Variants in TMEM217B observed in about 807,000 individuals in gnomAD.
TMEM217B encodes the protein putative transmembrane protein 217B.
chr6:37,239,539 T>C, the TMEM217B span, among the ~76,000 whole-genome samples: 2 of 152,118 alleles, frequency 1.3e-5, no homozygotes, highest in African/African-American at 4.8e-5. Flanking sequence ...GAGAAAGCAT[T>C]GAAGCATAGT....
At chr6:37,220,514 C>T in the TMEM217B span, among the ~76,000 whole-genome samples, 9 of 151,862 alleles carry the variant, frequency 5.9e-5, no homozygotes, top group Non-Finnish European at 1.3e-4. Flanking sequence ...GGGGAGAAAA[C>T]TCTCCTTGAG....
chr6:37,240,311 C>CT, the TMEM217B span, among the ~76,000 whole-genome samples: 4 of 152,216 alleles, frequency 2.6e-5, no homozygotes, highest in African/African-American at 9.7e-5. Context: ...TGGGGGCCAT[C>CT]TAAAGGCTCT....
chr6:37,235,824 T>C, the TMEM217B span, among the ~76,000 whole-genome samples: 1 of 152,264 alleles, frequency 6.6e-6, no homozygotes, highest in African/African-American at 2.4e-5. Flanking sequence ...ACTAGTTCCC[T>C]CTAGTCCTTT....
the TMEM217B span, among the ~76,000 whole-genome samples, chr6:37,245,804 C>CTTT: frequency 7.7e-5 from 11 of 143,656 alleles, no homozygotes; most frequent in African/African-American, 2.7e-4. Context: ...TTCTTTCTTT[C>CTTT]TTTTTTTTTT....
chr6:37,242,060 C>T, the TMEM217B span, among the ~76,000 whole-genome samples: 1 of 148,212 alleles, frequency 6.7e-6, no homozygotes, highest in Non-Finnish European at 1.5e-5. Context: ...GATGGAGTCA[C>T]ATAGAACCCC....
chr6:37,217,721 C>G, the TMEM217B span: 1 of 985,332 alleles, frequency 1.0e-6, no homozygotes, highest in Non-Finnish European at 1.2e-6. Flanking sequence ...CACAAACCCA[C>G]CCCAGGGCCA....
At chr6:37,218,169 C>CTTT in the TMEM217B span, 563 of 1,012,042 alleles carry the variant, frequency 5.6e-4, no homozygotes, top group East Asian at 1.2e-3. Context: ...AAGCTGCTAA[C>CTTT]TTTTTTTTTT....
At chr6:37,239,655 A>G in the TMEM217B span, among the ~76,000 whole-genome samples, 1 of 152,122 alleles carries the variant, frequency 6.6e-6, no homozygotes, top group African/African-American at 2.4e-5. Flanking sequence ...TTTATTTTCA[A>G]TTGCTCTCAT....
chr6:37,214,471 C>T, the TMEM217B span, among the ~76,000 whole-genome samples: 5 of 152,314 alleles, frequency 3.3e-5, no homozygotes, highest in East Asian at 9.7e-4. Flanking sequence ...AAGTGATCTG[C>T]CCGCCTCGGC....
At chr6:37,249,759 T>C in the TMEM217B span, among the ~76,000 whole-genome samples, 9 of 152,374 alleles carry the variant, frequency 5.9e-5, no homozygotes, top group Non-Finnish European at 4.4e-5. Context: ...GGTGAAACCA[T>C]GTTATAGGAA....
At chr6:37,244,339 G>C in the TMEM217B span, among the ~76,000 whole-genome samples, 1 of 152,228 alleles carries the variant, frequency 6.6e-6, no homozygotes, top group African/African-American at 2.4e-5. Flanking sequence ...ACCAGAGGCT[G>C]AAACCCCTAT....
chr6:37,238,811 C>G, the TMEM217B span, among the ~76,000 whole-genome samples: 10 of 152,184 alleles, frequency 6.6e-5, no homozygotes, highest in African/African-American at 1.9e-4. Flanking sequence ...GAGTATTCTT[C>G]TAAGTATTGA....
the TMEM217B span, among the ~76,000 whole-genome samples, chr6:37,256,309 A>G: frequency 1.3e-5 from 2 of 152,248 alleles, no homozygotes; most frequent in East Asian, 1.9e-4. Context: ...CAACTCTTCT[A>G]AAGTCCAAAC....
At chr6:37,225,196 A>C in the TMEM217B span, among the ~76,000 whole-genome samples, 19 of 152,114 alleles carry the variant, frequency 1.2e-4, no homozygotes, top group African/African-American at 4.3e-4. Flanking sequence ...CGAGACTCTG[A>C]CTAAAAAAAA....
chr6:37,255,455 G>A, the TMEM217B span, among the ~76,000 whole-genome samples: 4 of 152,172 alleles, frequency 2.6e-5, no homozygotes, highest in African/African-American at 9.7e-5. Flanking sequence ...GCCAAAGGTG[G>A]TGGATTGCTT....
At chr6:37,216,822 G>C in the TMEM217B span, among the ~76,000 whole-genome samples, 11 of 152,290 alleles carry the variant, frequency 7.2e-5, no homozygotes, top group African/African-American at 2.6e-4. Context: ...AGGGACAGGA[G>C]GGAACTAGCT....
At chr6:37,225,381 AC>A in the TMEM217B span, among the ~76,000 whole-genome samples, 2 of 152,136 alleles carry the variant, frequency 1.3e-5, no homozygotes, top group Non-Finnish European at 2.9e-5. Flanking sequence ...TTTAAAAAAA[AC>A]AAGCTAGTAA....
At chr6:37,228,703 C>CAAT in the TMEM217B span, among the ~76,000 whole-genome samples, 3 of 151,578 alleles carry the variant, frequency 2.0e-5, no homozygotes, top group Non-Finnish European at 4.4e-5. Context: ...GATTTCGTTT[C>CAAT]AATAATAATA....
the TMEM217B span, among the ~76,000 whole-genome samples, chr6:37,246,680 A>T: frequency 1.5e-4 from 23 of 152,208 alleles, 1 homozygote; most frequent in Admixed American, 3.9e-4. Flanking sequence ...AGGCGGGAGG[A>T]TCACTTGAGC....
Sources: gnomAD v4.1 joint callset for allele counts (sites outside exome capture counted in the v4.1 genomes callset) on GRCh38, gnomAD v4.1.1 for gene constraint, MANE v1.5 for transcripts, NCBI Gene and HGNC (gene_info 2026-07-23, HGNC 2026-07-21) for gene names.